Variants in CHCHD6 observed in about 807,000 individuals in gnomAD.
The protein encoded by CHCHD6 is coiled-coil-helix-coiled-coil-helix domain containing 6.
Under a neutral mutation model 32.3 loss-of-function variants are expected in CHCHD6, and 28 were observed. That is an observed-to-expected ratio of 0.87 (90% CI 0.64 to 1.19). CHCHD6 has a LOEUF of 1.19. CHCHD6 is among the 50% of genes most tolerant of loss of function. The pLI, the probability that CHCHD6 is intolerant of heterozygous loss-of-function variation, is 0.00. For missense variants in CHCHD6, 333 were observed against 307.0 expected, an observed-to-expected ratio of 1.08 and a Z score of -0.63; for synonymous variants, 122 against 117.5, an observed-to-expected ratio of 1.04 and a Z score of -0.25.
At chr3:126,786,816 C>A (rs1363592149) in intron 4 of CHCHD6, among the ~76,000 whole-genome samples, 5 of 152,100 alleles carry the variant, frequency 3.3e-5, no homozygotes, top group African/African-American at 1.2e-4. Flanking sequence ...TGTGCAGAAG[C>A]TCTTTAGTTT....
intron 4 of CHCHD6, among the ~76,000 whole-genome samples, chr3:126,790,291 GT>G (rs1938459608): frequency 6.6e-6 from 1 of 152,186 alleles, no homozygotes; most frequent in Admixed American, 6.5e-5. Context: ...GAATCTGACA[GT>G]TATGTGTCTT....
At chr3:126,835,841 C>T (rs1459799095) in intron 4 of CHCHD6, among the ~76,000 whole-genome samples, 1 of 152,224 alleles carries the variant, frequency 6.6e-6, no homozygotes, top group African/African-American at 2.4e-5. Flanking sequence ...CCCTCACAGG[C>T]AGGGATTCTG....
chr3:126,911,999 C>T (rs866837881), intron 5 of CHCHD6, among the ~76,000 whole-genome samples: 7 of 152,186 alleles, frequency 4.6e-5, no homozygotes, highest in Admixed American at 2.6e-4. Flanking sequence ...TTGTGGGGGG[C>T]GGGGCTTAGG....
intron 5 of CHCHD6, among the ~76,000 whole-genome samples, chr3:126,883,958 G>A (rs2077646265): frequency 6.6e-6 from 1 of 151,596 alleles, no homozygotes; most frequent in Non-Finnish European, 1.5e-5. Context: ...TTCACTGATG[G>A]GTTACAGATT....
At chr3:126,749,548 G>A (rs1015915068) in intron 4 of CHCHD6, among the ~76,000 whole-genome samples, 1 of 152,154 alleles carries the variant, frequency 6.6e-6, no homozygotes, top group Non-Finnish European at 1.5e-5. Flanking sequence ...AGCTGCTGTA[G>A]CAGAGAGGCC....
At chr3:126,795,604 G>C (rs1938755164) in intron 4 of CHCHD6, among the ~76,000 whole-genome samples, 1 of 152,102 alleles carries the variant, frequency 6.6e-6, no homozygotes, top group African/African-American at 2.4e-5. Context: ...TTTATGTTTG[G>C]TTTGGCTTTT....
intron 5 of CHCHD6, among the ~76,000 whole-genome samples, chr3:126,874,911 C>T (rs1026034787): frequency 1.2e-4 from 18 of 152,178 alleles, no homozygotes; most frequent in African/African-American, 4.1e-4. Context: ...CTCACATGCT[C>T]CCACCAGCAG....
chr3:126,779,959 T>A lies in CHCHD6; in HGVS notation c.411+46737T>A, dbSNP rs867162177. Among the ~76,000 whole-genome samples, 11 of 152,368 alleles carry A rather than the reference T, an allele frequency of 7.2e-5. No homozygotes were observed. The Middle Eastern group carries it at 0.017, about 236-fold the overall frequency. On this transcript the variant is annotated intron_variant, in intron 4 of 7. Coordinates refer to ENST00000290913, the MANE Select transcript of CHCHD6 (RefSeq NM_032343.3). ...GTCTTGTGAGTGCATCAGAGCCAGC[T>A]GTAGAGACTTAATCAATGAAAATGT...
intron 5 of CHCHD6, among the ~76,000 whole-genome samples, chr3:126,863,341 ACCT>A (rs1412968857): frequency 2.0e-5 from 2 of 98,942 alleles, no homozygotes; most frequent in Non-Finnish European, 3.9e-5. Context: ...CTCCTCCATC[ACCT>A]CCTCCTCCTC....
chr3:126,799,911 G>T (rs1330900377), intron 4 of CHCHD6, among the ~76,000 whole-genome samples: 1 of 152,124 alleles, frequency 6.6e-6, no homozygotes. Context: ...GCAAAACATT[G>T]TGGATATTTT....
intron 4 of CHCHD6, among the ~76,000 whole-genome samples, chr3:126,765,779 T>G (rs939437535): frequency 6.6e-6 from 1 of 152,190 alleles, no homozygotes; most frequent in African/African-American, 2.4e-5. Context: ...TGATTTTCAT[T>G]TGGACTTCTT....
intron 4 of CHCHD6, among the ~76,000 whole-genome samples, chr3:126,811,811 C>T (rs536665331): frequency 6.6e-6 from 1 of 152,300 alleles, no homozygotes; most frequent in East Asian, 1.9e-4. Flanking sequence ...ATTTGATGCC[C>T]ATATCATGGG....
At chr3:126,878,394 A>G (rs1340172387) in intron 5 of CHCHD6, among the ~76,000 whole-genome samples, 1 of 152,252 alleles carries the variant, frequency 6.6e-6, no homozygotes, top group East Asian at 1.9e-4. Context: ...TATTTTATGA[A>G]AAAGAAGGAA....
chr3:126,940,400 C>T (rs1397570483), intron 6 of CHCHD6, among the ~76,000 whole-genome samples: 1 of 152,124 alleles, frequency 6.6e-6, no homozygotes, highest in Non-Finnish European at 1.5e-5. Flanking sequence ...TTTTAATTAT[C>T]CTATTATTCT....
intron 4 of CHCHD6, among the ~76,000 whole-genome samples, chr3:126,848,487 A>G (rs936059760): frequency 4.6e-5 from 7 of 152,302 alleles, no homozygotes; most frequent in East Asian, 3.9e-4. Flanking sequence ...TTATTCATCA[A>G]TTGGAGATTG....
chr3:126,912,362 T>C (rs1410511018), intron 5 of CHCHD6, among the ~76,000 whole-genome samples: 1 of 152,134 alleles, frequency 6.6e-6, no homozygotes, highest in Non-Finnish European at 1.5e-5. Context: ...TGGTGGATAC[T>C]GGACTGGTCG....
At chr3:126,954,137 TCTC>T (rs1450006398) in intron 6 of CHCHD6, among the ~76,000 whole-genome samples, 5 of 152,140 alleles carry the variant, frequency 3.3e-5, no homozygotes, top group Non-Finnish European at 5.9e-5. Context: ...TTCCATTCTG[TCTC>T]CTCATATTGT....
intron 5 of CHCHD6, among the ~76,000 whole-genome samples, chr3:126,900,893 C>T (rs2077916146): frequency 6.6e-6 from 1 of 152,008 alleles, no homozygotes; most frequent in Non-Finnish European, 1.5e-5. Context: ...TGTGAGCCAC[C>T]ACGCCTGGCC....
intron 4 of CHCHD6, among the ~76,000 whole-genome samples, chr3:126,751,143 G>GT (rs1239297568): frequency 2.0e-5 from 3 of 147,348 alleles, no homozygotes; most frequent in African/African-American, 4.9e-5. Context: ...CTGGGGGACT[G>GT]TTATTTTTTT....
Sources: gnomAD v4.1 joint callset for allele counts (sites outside exome capture counted in the v4.1 genomes callset) on GRCh38, gnomAD v4.1.1 for gene constraint, MANE v1.5 for transcripts, NCBI Gene and HGNC (gene_info 2026-07-23, HGNC 2026-07-21) for gene names.